The following STON2 variants were observed in gnomAD, a reference collection of about 807,000 sequenced individuals.
The protein encoded by STON2 is stonin-2.
Under a neutral mutation model 65.7 loss-of-function variants are expected in STON2, and 29 were observed. The ratio of observed to expected loss-of-function variants is 0.44; its 90% CI spans 0.33 to 0.60. The LOEUF (loss-of-function observed/expected upper bound fraction) is 0.60, where lower values mean the gene tolerates loss of function less well. Ranked by LOEUF, STON2 falls within the 20% of genes least tolerant of loss-of-function variation. The pLI, the probability that STON2 is intolerant of heterozygous loss-of-function variation, is 0.03. For missense variants in STON2, 1,054 were observed against 1,118.1 expected (o/e 0.94, Z 0.82); for synonymous variants, 404 against 414.2 (o/e 0.98, Z 0.30).
intron 3 of STON2, among the ~76,000 whole-genome samples, chr14:81,393,677 T>G (rs1429834801): frequency 6.6e-6 from 1 of 152,214 alleles, no homozygotes; most frequent in East Asian, 1.9e-4. Context: ...GCACAGAAAC[T>G]GAGACAATAA....
intron 5 of STON2, among the ~76,000 whole-genome samples, chr14:81,284,473 A>G (rs967005882): frequency 1.3e-5 from 2 of 152,230 alleles, no homozygotes; most frequent in African/African-American, 4.8e-5. Flanking sequence ...ATTCTATGAA[A>G]GTGGAAAGAG....
chr14:81,329,244 G>A (rs1320922285), intron 4 of STON2, among the ~76,000 whole-genome samples: 5 of 151,920 alleles, frequency 3.3e-5, no homozygotes, highest in East Asian at 1.9e-4. Context: ...TCACGAGGTC[G>A]GGAGATAGAC....
At chr14:81,422,158 T>C (rs1901735162) in intron 2 of STON2, among the ~76,000 whole-genome samples, 1 of 152,134 alleles carries the variant, frequency 6.6e-6, no homozygotes, top group Non-Finnish European at 1.5e-5. Flanking sequence ...GTGTTGGTGG[T>C]GGGGCTCAGT....
chr14:81,424,125 C>A (rs1178580472), intron 2 of STON2, among the ~76,000 whole-genome samples: 1 of 152,188 alleles, frequency 6.6e-6, no homozygotes, highest in Non-Finnish European at 1.5e-5. Flanking sequence ...TCACTCATCC[C>A]CACACTCCTA....
chr14:81,376,104 T>C (rs1396225537), intron 3 of STON2, among the ~76,000 whole-genome samples: 1 of 151,676 alleles, frequency 6.6e-6, no homozygotes, highest in Non-Finnish European at 1.5e-5. Flanking sequence ...CAAATGAAAC[T>C]TCATACAGTA....
chr14:81,283,490 G>C (rs1445507846), intron 5 of STON2, among the ~76,000 whole-genome samples: 2 of 151,022 alleles, frequency 1.3e-5, no homozygotes, highest in Non-Finnish European at 2.9e-5. Flanking sequence ...GCATATAAAG[G>C]CATACCTCGT....
intron 4 of STON2, among the ~76,000 whole-genome samples, chr14:81,369,173 G>A (rs932917917): frequency 6.6e-6 from 1 of 152,066 alleles, no homozygotes; most frequent in African/African-American, 2.4e-5. Context: ...TGCTTTCTCT[G>A]TAGGTGGTCC....
intron 5 of STON2, among the ~76,000 whole-genome samples, chr14:81,323,194 G>T (rs534351272): frequency 6.6e-6 from 1 of 152,180 alleles, no homozygotes; most frequent in Non-Finnish European, 1.5e-5. Flanking sequence ...CTTGTGTTTA[G>T]AATAAATATT....
At chr14:81,420,628 T>A (rs974361659) in intron 2 of STON2, among the ~76,000 whole-genome samples, 1 of 152,096 alleles carries the variant, frequency 6.6e-6, no homozygotes, top group East Asian at 1.9e-4. Flanking sequence ...CTAGCCCAAT[T>A]TGGGGTCAGT....
At chr14:81,345,651 T>C (rs1897782349) in intron 4 of STON2, among the ~76,000 whole-genome samples, 1 of 151,916 alleles carries the variant, frequency 6.6e-6, no homozygotes. Flanking sequence ...GTCCCAGCTA[T>C]GTGGGAGGCT....
intron 3 of STON2, among the ~76,000 whole-genome samples, chr14:81,387,497 T>C (rs1241219176): frequency 1.3e-5 from 2 of 152,178 alleles, no homozygotes; most frequent in African/African-American, 4.8e-5. Context: ...ATAATTTTCA[T>C]AAAAGATTCA....
intron 1 of STON2, among the ~76,000 whole-genome samples, chr14:81,429,033 C>A (rs1902117016): frequency 6.6e-6 from 1 of 152,210 alleles, no homozygotes; most frequent in African/African-American, 2.4e-5. Flanking sequence ...TAAAATGGTA[C>A]CTTCTTTCAA....
Position 81,321,973 on chromosome 14 carries a change from T to C in STON2, c.742+2044A>G, listed in dbSNP as rs115059216. Among the ~76,000 whole-genome samples the C allele has an allele frequency of 1.8e-3, 279 of 152,346 alleles. 2 individuals are homozygous for C. The highest frequency in any genetic ancestry group is 6.5e-3 in the African/African-American group (269 of 41,574). On this transcript the variant is annotated intron_variant, in intron 5 of 7. Transcript: ENST00000614646. Reference sequence around the variant, plus strand: ...GGGTGGGTGTTGAGTGAAAATGCTATATAAACTGCATGTTTTTGCTTTTTG... The same window carrying C: ...GGGTGGGTGTTGAGTGAAAATGCTACATAAACTGCATGTTTTTGCTTTTTG...
At chr14:81,364,550 G>C (rs79611625) in intron 4 of STON2, among the ~76,000 whole-genome samples, 2 of 152,046 alleles carry the variant, frequency 1.3e-5, no homozygotes, top group Non-Finnish European at 2.9e-5. Flanking sequence ...TGTACACCAC[G>C]ATCTGACCAA....
chr14:81,315,334 A>C (rs754106569), intron 5 of STON2, among the ~76,000 whole-genome samples: 4 of 152,200 alleles, frequency 2.6e-5, no homozygotes, highest in Non-Finnish European at 5.9e-5. Flanking sequence ...GGGACAAAAG[A>C]CTGGAAATGT....
At chr14:81,409,129 G>A (rs1345999787) in intron 2 of STON2, among the ~76,000 whole-genome samples, 1 of 152,096 alleles carries the variant, frequency 6.6e-6, no homozygotes, top group Non-Finnish European at 1.5e-5. Flanking sequence ...TTAAGGCTGG[G>A]CACAGTGGCT....
intron 4 of STON2, among the ~76,000 whole-genome samples, chr14:81,356,366 T>C (rs937345123): frequency 1.3e-5 from 2 of 152,226 alleles, no homozygotes; most frequent in African/African-American, 4.8e-5. Flanking sequence ...GCCCACTTGA[T>C]CGTGGTGGAT....
intron 4 of STON2, among the ~76,000 whole-genome samples, chr14:81,325,104 C>T (rs1896960285): frequency 6.6e-6 from 1 of 152,164 alleles, no homozygotes; most frequent in Admixed American, 6.5e-5. Context: ...ATCCTCCCAC[C>T]ATACAGCCAG....
chr14:81,359,600 T>C (rs1033870105), intron 4 of STON2, among the ~76,000 whole-genome samples: 7 of 152,154 alleles, frequency 4.6e-5, no homozygotes, highest in Non-Finnish European at 7.3e-5. Context: ...AGTTGGTTTT[T>C]TGAAAAGATA....
Sources: gnomAD v4.1 joint callset for allele counts (sites outside exome capture counted in the v4.1 genomes callset) on GRCh38, gnomAD v4.1.1 for gene constraint, MANE v1.5 for transcripts, NCBI Gene and HGNC (gene_info 2026-07-23, HGNC 2026-07-21) for gene names.